The following ZFAND3 variants were observed in gnomAD, a reference collection of about 807,000 sequenced individuals.
ZFAND3 encodes zinc finger AN1-type containing 3.
Under a neutral mutation model 29.6 loss-of-function variants are expected in ZFAND3, and 10 were observed. The ratio of observed to expected loss-of-function variants is 0.34; its 90% confidence interval spans 0.21 to 0.57. ZFAND3 has a LOEUF of 0.57. Among genes scored for constraint, ZFAND3 ranks in the 20% least tolerant of loss-of-function variants. The pLI is 0.86. For missense variants in ZFAND3, 230 were observed against 304.5 expected (o/e 0.76, Z 1.82); for synonymous variants, 128 against 112.6 (o/e 1.14, Z -0.87).
intron 1 of ZFAND3, among the ~76,000 whole-genome samples, chr6:37,899,160 A>C (rs1348356783): frequency 6.6e-6 from 1 of 152,032 alleles, no homozygotes; most frequent in African/African-American, 2.4e-5. Context: ...CGGCCTCCCA[A>C]AGTGCTGGGA....
chr6:38,042,585 A>G (rs1763813141), intron 2 of ZFAND3, among the ~76,000 whole-genome samples: 1 of 152,192 alleles, frequency 6.6e-6, no homozygotes. Context: ...AAGTGCTGGG[A>G]TCGCAAACTT....
chr6:38,024,723 T>C (rs554841944), intron 2 of ZFAND3, among the ~76,000 whole-genome samples: 1 of 152,308 alleles, frequency 6.6e-6, no homozygotes, highest in African/African-American at 2.4e-5. Flanking sequence ...TCACATATTA[T>C]ATGATTCTAT....
intron 4 of ZFAND3, among the ~76,000 whole-genome samples, chr6:38,084,243 A>G (rs1225866421): frequency 1.3e-5 from 2 of 152,236 alleles, no homozygotes; most frequent in Non-Finnish European, 2.9e-5. Context: ...ATATTTGGAA[A>G]TATAGCATAC....
chr6:38,052,989 G>A (rs1196530264), intron 2 of ZFAND3, among the ~76,000 whole-genome samples: 4 of 150,902 alleles, frequency 2.7e-5, no homozygotes, highest in South Asian at 2.1e-4. Flanking sequence ...AGCCAAGATC[G>A]TGCCACTGCA....
At chr6:37,854,097 A>G (rs1414759836) in intron 1 of ZFAND3, among the ~76,000 whole-genome samples, 1 of 152,032 alleles carries the variant, frequency 6.6e-6, no homozygotes, top group Non-Finnish European at 1.5e-5. Context: ...GATTATAGGC[A>G]TGCACCACCA....
intron 2 of ZFAND3, among the ~76,000 whole-genome samples, chr6:37,956,255 C>T (rs1762084776): frequency 6.6e-6 from 1 of 152,146 alleles, no homozygotes; most frequent in Non-Finnish European, 1.5e-5. Flanking sequence ...TTAAAACTCA[C>T]ATTGCTGGGC....
At chr6:37,921,794 G>A (rs11751927) in intron 1 of ZFAND3, among the ~76,000 whole-genome samples, 7 of 151,136 alleles carry the variant, frequency 4.6e-5, no homozygotes, top group Admixed American at 1.3e-4. Context: ...ACCTGTAATC[G>A]CAGCACTTTG....
At chr6:38,152,136 G>A in intron 5 of ZFAND3, 99 bp from the exon 6 acceptor site, 3 of 1,170,604 alleles carry the variant, frequency 2.6e-6, no homozygotes, top group African/African-American at 3.1e-5. Context: ...CCACTCACTG[G>A]GATGCCCCTC....
chr6:37,927,668 C>A (rs1205890616), intron 1 of ZFAND3, among the ~76,000 whole-genome samples: 3 of 152,172 alleles, frequency 2.0e-5, no homozygotes, highest in African/African-American at 7.2e-5. Flanking sequence ...GGGTTGTTTT[C>A]CTATATGCCT....
intron 1 of ZFAND3, among the ~76,000 whole-genome samples, chr6:37,839,471 C>T (rs760879455): frequency 1.1e-4 from 16 of 151,124 alleles, no homozygotes; most frequent in Non-Finnish European, 1.9e-4. Flanking sequence ...CGTGAGCCAC[C>T]GTGCCCGGCC....
At chr6:38,149,903 A>C (rs948257851) in intron 5 of ZFAND3, among the ~76,000 whole-genome samples, 1 of 152,210 alleles carries the variant, frequency 6.6e-6, no homozygotes, top group Non-Finnish European at 1.5e-5. Flanking sequence ...GGGAAGGGGC[A>C]GCAGGGGTCC....
At chr6:37,935,984 T>C (rs1174623725) in intron 2 of ZFAND3, among the ~76,000 whole-genome samples, 1 of 152,190 alleles carries the variant, frequency 6.6e-6, no homozygotes, top group African/African-American at 2.4e-5. Context: ...CTGCCTATGG[T>C]ATTTTTTTTT....
chr6:37,923,403 G>T (rs1434886737), intron 1 of ZFAND3, among the ~76,000 whole-genome samples: 1 of 152,208 alleles, frequency 6.6e-6, no homozygotes, highest in Non-Finnish European at 1.5e-5. Context: ...AAGGTCTTCA[G>T]GGGTAGTAAT....
At chr6:37,942,724 A>G (rs1288875445) in intron 2 of ZFAND3, among the ~76,000 whole-genome samples, 1 of 152,200 alleles carries the variant, frequency 6.6e-6, no homozygotes, top group Non-Finnish European at 1.5e-5. Flanking sequence ...TTTATAGCAC[A>G]GATGTTTCTG....
intron 1 of ZFAND3, among the ~76,000 whole-genome samples, chr6:37,823,814 G>A (rs924284405): frequency 6.6e-6 from 1 of 151,760 alleles, no homozygotes; most frequent in African/African-American, 2.4e-5. Flanking sequence ...GGGGGGGTAG[G>A]AAGTTTTGCT....
At chr6:38,023,859 A>G (rs1179126167) in intron 2 of ZFAND3, among the ~76,000 whole-genome samples, 1 of 152,148 alleles carries the variant, frequency 6.6e-6, no homozygotes, top group Non-Finnish European at 1.5e-5. Flanking sequence ...GAAAAGGCCA[A>G]TTTTTAAAAG....
intron 2 of ZFAND3, among the ~76,000 whole-genome samples, chr6:37,985,157 T>G (rs1259018390): frequency 6.6e-6 from 1 of 152,192 alleles, no homozygotes; most frequent in Non-Finnish European, 1.5e-5. Flanking sequence ...AAGGGAATTC[T>G]TTTATAAAAT....
At chr6:37,908,554 A>G (rs1356317260) in intron 1 of ZFAND3, among the ~76,000 whole-genome samples, 1 of 149,030 alleles carries the variant, frequency 6.7e-6, no homozygotes, top group Non-Finnish European at 1.5e-5. Context: ...AAAAAAAAAA[A>G]AAAAAGAAAA....
At chr6:38,093,291 G>C (rs1320720471) in intron 4 of ZFAND3, among the ~76,000 whole-genome samples, 1 of 152,202 alleles carries the variant, frequency 6.6e-6, no homozygotes, top group Non-Finnish European at 1.5e-5. Flanking sequence ...TGGCTGATTA[G>C]AGTTGGCTGA....
Sources: allele counts gnomAD v4.1 joint callset (sites outside exome capture counted in the v4.1 genomes callset), GRCh38; gene constraint gnomAD v4.1.1; transcripts MANE v1.5; gene names NCBI Gene and HGNC (gene_info 2026-07-23, HGNC 2026-07-21).